NRG1: variants seen among roughly 807,000 people sequenced by gnomAD.
NRG1 encodes the protein pro-neuregulin-1, membrane-bound isoform.
NRG1 carries 18 observed loss-of-function variants against 63.8 expected under a neutral mutation model. The observed-to-expected ratio is 0.28, with a 90% confidence interval of 0.19 to 0.42. NRG1 has a LOEUF of 0.42. Ranked by LOEUF, NRG1 falls within the 10% of genes least tolerant of loss-of-function variation. NRG1 has a pLI of 1.00. For synonymous variants in NRG1, 302 were observed against 301.3 expected, an observed-to-expected ratio of 1.00 and a Z score of -0.02; for missense variants, 762 against 814.7, an observed-to-expected ratio of 0.94 and a Z score of 0.79.
chr8:31,807,638 T>A (rs1334427847), intron 1 of NRG1, among the ~76,000 whole-genome samples: 2 of 152,194 alleles, frequency 1.3e-5, no homozygotes, highest in African/African-American at 4.8e-5. Context: ...AAGTCTGCAA[T>A]ACAGTATTGT....
chr8:31,860,450 A>G (rs752433637), intron 1 of NRG1, among the ~76,000 whole-genome samples: 8 of 152,168 alleles, frequency 5.3e-5, no homozygotes, highest in Non-Finnish European at 7.4e-5. Context: ...ATAAATCTGT[A>G]CCTAATGATT....
At chr8:31,844,570 T>G (rs1373808364) in intron 1 of NRG1, among the ~76,000 whole-genome samples, 1 of 152,138 alleles carries the variant, frequency 6.6e-6, no homozygotes, top group Admixed American at 6.5e-5. Context: ...GAAGGGAGCT[T>G]CATGAACTAA....
rs1427488542 is a variant in NRG1 at position 32,595,811 on chromosome 8, C to T, written c.101-17C>T. The T allele has an allele frequency of 3.9e-6, 6 of 1,552,370 alleles. No homozygotes were observed. In the East Asian group the frequency reaches 1.2e-4, roughly 30 times the overall value. On this transcript the variant is annotated splice_polypyrimidine_tract_variant and intron_variant, in intron 1 of 11. Coordinates refer to ENST00000356819, the Ensembl canonical transcript of NRG1. The stretch of plus-strand genomic sequence containing the variant: ...CTGGTGATCAGAGTTGTTTTTCATT[C>T]TCTTTTCTTCTTTTAGCCTTGCCTC...
At chr8:32,075,703 C>T (rs56190268) in intron 1 of NRG1, among the ~76,000 whole-genome samples, 147,717 of 151,632 alleles carry the variant, frequency 0.97, 72,017 homozygotes, top group East Asian at 1. Context: ...GACGGAGTCT[C>T]GCTCTGTCAC....
intron 1 of NRG1, among the ~76,000 whole-genome samples, chr8:32,155,041 G>A (rs925458996): frequency 6.6e-6 from 1 of 152,146 alleles, no homozygotes; most frequent in Non-Finnish European, 1.5e-5. Flanking sequence ...CAACATGCCT[G>A]GTCCTCAATT....
At chr8:32,762,467 A>G (rs1021415738) in intron 11 of NRG1, among the ~76,000 whole-genome samples, 2 of 152,142 alleles carry the variant, frequency 1.3e-5, no homozygotes, top group African/African-American at 4.8e-5. Context: ...TTAAATTAGC[A>G]TTTCTCAGAG....
intron 1 of NRG1, among the ~76,000 whole-genome samples, chr8:31,826,337 G>A (rs1563449656): frequency 6.6e-6 from 1 of 152,104 alleles, no homozygotes; most frequent in Admixed American, 6.5e-5. Context: ...GGAGGTAATT[G>A]AATCATGGGG....
intron 5 of NRG1, among the ~76,000 whole-genome samples, chr8:32,622,980 T>C (rs949099421): frequency 6.6e-6 from 1 of 152,238 alleles, no homozygotes; most frequent in Non-Finnish European, 1.5e-5. Context: ...GACAGTTCTT[T>C]GCCAGGAAAT....
intron 1 of NRG1, among the ~76,000 whole-genome samples, chr8:32,207,118 AT>A (rs1427413050): frequency 6.6e-6 from 1 of 152,066 alleles, no homozygotes; most frequent in African/African-American, 2.4e-5. Flanking sequence ...GGAAAACAAC[AT>A]TTGTTTTTTC....
At chr8:31,704,759 G>C (rs1381800744) in intron 1 of NRG1, among the ~76,000 whole-genome samples, 1 of 151,240 alleles carries the variant, frequency 6.6e-6, no homozygotes, top group Admixed American at 6.6e-5. Context: ...GTGAACCTGG[G>C]AGGTGGAGCT....
At chr8:32,423,608 T>C (rs2129486274) in intron 1 of NRG1, among the ~76,000 whole-genome samples, 1 of 152,138 alleles carries the variant, frequency 6.6e-6, no homozygotes, top group African/African-American at 2.4e-5. Context: ...TTCATGCCAG[T>C]GCACTCCAGT....
chr8:32,530,288 T>A (rs374991755), intron 1 of NRG1, among the ~76,000 whole-genome samples: 3 of 151,962 alleles, frequency 2.0e-5, no homozygotes, highest in East Asian at 3.9e-4. Context: ...TTTGTATTAT[T>A]TGTAGAGACG....
chr8:31,673,542 C>T (rs1006682127), intron 1 of NRG1, among the ~76,000 whole-genome samples: 6 of 152,260 alleles, frequency 3.9e-5, no homozygotes, highest in African/African-American at 9.6e-5. Flanking sequence ...TTTAATAAGT[C>T]ATTGAGTTCT....
At chr8:32,741,585 T>C (rs1826315005) in intron 6 of NRG1, among the ~76,000 whole-genome samples, 1 of 152,092 alleles carries the variant, frequency 6.6e-6, no homozygotes, top group Non-Finnish European at 1.5e-5. Flanking sequence ...TTGAAATAAG[T>C]ATATAAAAGA....
intron 1 of NRG1, among the ~76,000 whole-genome samples, chr8:32,047,675 G>A (rs112091686): frequency 1.3e-5 from 2 of 151,688 alleles, no homozygotes; most frequent in African/African-American, 4.8e-5. Flanking sequence ...TACTTACTGT[G>A]TACAACATTG....
chr8:32,718,704 A>G (rs1819876431), intron 5 of NRG1, among the ~76,000 whole-genome samples: 1 of 151,882 alleles, frequency 6.6e-6, no homozygotes, highest in South Asian at 2.1e-4. Flanking sequence ...TTACTTTCTT[A>G]CCTCCGCATT....
chr8:32,371,318 C>G (rs991590125), intron 1 of NRG1, among the ~76,000 whole-genome samples: 1 of 152,188 alleles, frequency 6.6e-6, no homozygotes, highest in Admixed American at 6.6e-5. Flanking sequence ...CACAGAAACA[C>G]ATGACCATCG....
intron 5 of NRG1, among the ~76,000 whole-genome samples, chr8:32,702,579 T>C: frequency 6.6e-6 from 1 of 152,204 alleles, no homozygotes; most frequent in Non-Finnish European, 1.5e-5. Context: ...CTCCTCCTCC[T>C]GGGTTCAAGC....
intron 1 of NRG1, among the ~76,000 whole-genome samples, chr8:31,875,191 T>TC (rs1212607630): frequency 1.3e-5 from 2 of 152,012 alleles, no homozygotes; most frequent in Non-Finnish European, 2.9e-5. Context: ...TCTCCACCAT[T>TC]CCTTCAGTGA....
Sources: gnomAD v4.1 joint callset for allele counts (sites outside exome capture counted in the v4.1 genomes callset) on GRCh38, gnomAD v4.1.1 for gene constraint, MANE v1.5 for transcripts, NCBI Gene and HGNC (gene_info 2026-07-23, HGNC 2026-07-21) for gene names.